CLU: variants seen among roughly 807,000 people sequenced by gnomAD.
CLU encodes the protein aging-associated protein 4.
A neutral mutation model predicts 46.4 loss-of-function variants in CLU; 25 were observed. The observed-to-expected ratio is 0.54, with a 90% confidence interval of 0.39 to 0.75. The LOEUF is 0.75. Ranked by LOEUF, CLU falls within the 30% of genes least tolerant of loss-of-function variation. The probability of loss-of-function intolerance (pLI) is 0.00; values close to 1 mark genes in which losing one functional copy is unlikely to be tolerated. For synonymous variants in CLU, 235 were observed against 235.1 expected (o/e 1.00, Z 0.00); for missense variants, 504 against 592.1 (o/e 0.85, Z 1.54).
chr8:27,600,468 C>T (rs1173008575), intron 6 of CLU, among the ~76,000 whole-genome samples: 1 of 152,202 alleles, frequency 6.6e-6, no homozygotes, highest in African/African-American at 2.4e-5. Flanking sequence ...CTCCTGGGCT[C>T]AACCCATCTG....
In CLU at chr8:27,604,311, C is replaced by G; in HGVS notation, c.914G>C (p.Cys305Ser). ...CTCACCCACAGACAAGATCTCCCGG[C>G]ACTTGTCACACTGGTCCTTCATCCG... ...CLRMKDQCDKCREILSVDCST... is the reference protein window; with the variant it reads ...CLRMKDQCDKSREILSVDCST... Residue 305 changes from cysteine to serine, a missense_variant, in exon 6 of 9, where the codon TGC becomes TCC. Physicochemically the swap from Cys to Ser is moderately radical, Grantham distance 112. Around this residue, in one of 3 missense-constraint regions of CLU, gnomAD observed 428 missense variants for 484.0 expected, o/e 0.88. Transcript: ENST00000316403. 6.2e-7 allele frequency: 1 copy of G among 1,614,010 alleles called. No individual in the cohort carries two copies. The highest frequency in any genetic ancestry group is 8.5e-7 in the Non-Finnish European group (1 of 1,179,906).
At chr8:27,612,537 C>CCCG (rs1563390037) in intron 1 of CLU, among the ~76,000 whole-genome samples, 1 of 152,072 alleles carries the variant, frequency 6.6e-6, no homozygotes, top group Non-Finnish European at 1.5e-5. Context: ...CCTGTGGTCC[C>CCCG]CCGGACTGTG....
chr8:27,606,589 G>T, intron 3 of CLU, 65 bp from the exon 4 acceptor site: 1 of 1,594,206 alleles, frequency 6.3e-7, no homozygotes. Context: ...TCAAAGAGCT[G>T]CTGGGTGCCA....
chr8:27,613,113 G>A (rs948415803), intron 1 of CLU, among the ~76,000 whole-genome samples: 1 of 152,100 alleles, frequency 6.6e-6, no homozygotes, highest in African/African-American at 2.4e-5. Flanking sequence ...CTGGCAGGGC[G>A]CATTGATTCA....
rs569585131 is a variant in CLU at position 27,605,402 on chromosome 8, C to A, written c.418-67G>T. ...AGGCCACGGCCTCCTGGCCTCCCAC[C>A]CCCTGGTGAGCCAGGCCAGGCCCTG... On this transcript the variant is annotated intron_variant, in intron 4 of 8. Transcript: ENST00000316403. 5.1e-6 allele frequency: 8 copies of A among 1,565,598 alleles called. No individual in the cohort carries two copies. The South Asian group carries it at 7.9e-5, about 15-fold the overall frequency.
At chr8:27,611,444 G>A (rs1290528100) in intron 1 of CLU, 2 of 455,874 alleles carry the variant, frequency 4.4e-6, no homozygotes, top group Non-Finnish European at 8.8e-6. Context: ...TGCCACCACT[G>A]GGCTGGCTGC....
intron 6 of CLU, among the ~76,000 whole-genome samples, chr8:27,600,675 G>A (rs192889016): frequency 1.3e-5 from 2 of 152,270 alleles, no homozygotes; most frequent in East Asian, 3.9e-4. Context: ...AGTTCTCCAT[G>A]TTCTCAGACC....
intron 1 of CLU, 68 bp from the exon 2 acceptor site, chr8:27,610,668 C>A: frequency 1.2e-5 from 14 of 1,204,764 alleles, no homozygotes; most frequent in Non-Finnish European, 1.5e-5. Context: ...CACCTGCTGC[C>A]TGCAGCAGCT....
At chr8:27,613,155 G>A (rs553010132) in intron 1 of CLU, among the ~76,000 whole-genome samples, 353 of 152,308 alleles carry the variant, frequency 2.3e-3, no homozygotes, top group African/African-American at 7.5e-3. Context: ...GGGAGGCCAA[G>A]ACAGGCGGAT....
At chr8:27,607,307 AG>A (rs1203683269) in intron 3 of CLU, among the ~76,000 whole-genome samples, 7 of 151,996 alleles carry the variant, frequency 4.6e-5, no homozygotes, top group African/African-American at 1.7e-4. Context: ...ACTGCACTCC[AG>A]CCTGGGTGAC....
chr8:27,599,544 A>G lies in CLU; in HGVS notation c.1164+236T>C. On this transcript the variant is annotated intron_variant, in intron 7 of 8. Coordinates refer to ENST00000316403, the MANE Select transcript of CLU (RefSeq NM_001831.4). This position sits in a 1 kb window ranked among gnomAD's most constrained non-coding sequence, Gnocchi z 4.0. Reference sequence around the variant, plus strand: ...GCAGTCAGGTTCAAATACCCGTCCAAGTCATCTGTCAGCTATCACACCTTG... The same window carrying G: ...GCAGTCAGGTTCAAATACCCGTCCAGGTCATCTGTCAGCTATCACACCTTG... 2 of 542,986 alleles carry G rather than the reference A, an allele frequency of 3.7e-6. No homozygotes were observed. Among genetic ancestry groups the G allele is most frequent in the Admixed American group, 6.3e-5 (2 of 31,806 alleles). 33.6% of individuals were successfully genotyped at this position (542,986 alleles called of 1,614,324 possible). A position where few individuals can be genotyped will look rare whatever the true frequency, so the allele number is the denominator to read the frequency against.
intron 1 of CLU, 57 bp downstream of exon 1, chr8:27,614,598 C>T (rs1800981047): frequency 2.1e-6 from 1 of 466,006 alleles, no homozygotes; most frequent in African/African-American, 2.1e-5. Context: ...ATCCCCTGCC[C>T]GCCCATCCGT....
At position 27,604,921 on chromosome 8, in the gene CLU, C is replaced by T. The variant is rs745858920; in HGVS notation, c.829+3G>A. On this transcript the variant is annotated splice_donor_region_variant and intron_variant, in intron 5 of 8. Transcript: ENST00000316403. ...AAGGCCATGAGCTTCCACCCCTTCT[C>T]ACCTCGTATGAATTCTGTTGGCGGG... 6.8e-6 allele frequency: 11 copies of T among 1,614,042 alleles called. No individual in the cohort carries two copies. The highest frequency in any genetic ancestry group is 1.6e-4 in the Middle Eastern group (1 of 6,082).
At position 27,606,374 on chromosome 8, in the gene CLU, A is replaced by G; in HGVS notation, c.397T>C (p.Ser133Pro). ...TTCACCTGGCGGCCAACCAGGCCTG[A>G]GCCACTTCTGCAGACGCGTGCGTAG... Reference protein sequence around the residue: ...KFYARVCRSGSGLVGRQLEEF... With the variant: ...KFYARVCRSGPGLVGRQLEEF... The change falls in exon 4 of 9, where the codon TCA becomes CCA. Residue 133 changes from serine (S) to proline (P), a missense_variant. Around this residue, in one of 3 missense-constraint regions of CLU, gnomAD observed 428 missense variants for 484.0 expected, o/e 0.88. Transcript: ENST00000316403. 2 of 1,614,186 alleles carry G rather than the reference A, an allele frequency of 1.2e-6. No individual in the cohort carries two copies. Among genetic ancestry groups the G allele is most frequent in the Non-Finnish European group, 1.7e-6 (2 of 1,180,046 alleles).
intron 7 of CLU, 79 bp from the exon 8 acceptor site, chr8:27,598,714 C>T: frequency 7.0e-7 from 1 of 1,429,570 alleles, no homozygotes; most frequent in Non-Finnish European, 9.8e-7. Context: ...AGTCAGGCTT[C>T]TGATAAGGAA....
At chr8:27,603,565 C>A (rs922994771) in intron 6 of CLU, among the ~76,000 whole-genome samples, 4 of 152,162 alleles carry the variant, frequency 2.6e-5, no homozygotes, top group African/African-American at 4.8e-5. Context: ...AAGAAGTTAA[C>A]CCATAACCAG....
intron 4 of CLU, 135 bp downstream of exon 4, chr8:27,606,219 C>A: frequency 1.0e-6 from 1 of 952,572 alleles, no homozygotes; most frequent in Non-Finnish European, 1.6e-6. Flanking sequence ...CCAGACATTA[C>A]CAATGGAGCA....
chr8:27,614,613 G>C, intron 1 of CLU, 42 bp downstream of exon 1: 1 of 508,934 alleles, frequency 2.0e-6, no homozygotes, highest in Non-Finnish European at 4.1e-6. Flanking sequence ...ATCCGTCCTG[G>C]TGTGGCTCTG....
intron 6 of CLU, among the ~76,000 whole-genome samples, chr8:27,600,362 G>A (rs1281648577): frequency 6.6e-6 from 1 of 151,894 alleles, no homozygotes; most frequent in African/African-American, 2.4e-5. Context: ...AGCCTCCTGA[G>A]TAGCTGGGAC....
Sources: gnomAD v4.1 joint callset for allele counts (sites outside exome capture counted in the v4.1 genomes callset) on GRCh38, gnomAD v4.1.1 for gene constraint, gnomAD v4.1.1 regional missense constraint, Gnocchi (gnomAD v3.1) non-coding constraint, MANE v1.5 for transcripts, NCBI Gene and HGNC (gene_info 2026-07-23, HGNC 2026-07-21) for gene names.